KCNIP1: variants seen among roughly 807,000 people sequenced by gnomAD.
The protein encoded by KCNIP1 is A-type potassium channel modulatory protein KCNIP1.
KCNIP1 carries 18 observed loss-of-function variants against 33.0 expected under a neutral mutation model. That is an observed-to-expected ratio of 0.55 (90% CI 0.38 to 0.81). The LOEUF is 0.81. Ranked by LOEUF, KCNIP1 falls within the 30% of genes least tolerant of loss-of-function variation. The probability of loss-of-function intolerance (pLI) is 0.00; values close to 1 mark genes in which losing one functional copy is unlikely to be tolerated. For synonymous variants in KCNIP1, 93 were observed against 98.3 expected (o/e 0.95, Z 0.32); for missense variants, 238 against 271.6 (o/e 0.88, Z 0.87).
intron 1 of KCNIP1, among the ~76,000 whole-genome samples, chr5:170,669,268 A>G (rs1371322305): frequency 6.6e-6 from 1 of 152,236 alleles, no homozygotes; most frequent in African/African-American, 2.4e-5. Context: ...AATATGATTT[A>G]GGGCAAGTTT....
chr5:170,719,232 A>T (rs115728696), intron 2 of KCNIP1, among the ~76,000 whole-genome samples: 1 of 152,148 alleles, frequency 6.6e-6, no homozygotes, highest in Non-Finnish European at 1.5e-5. Context: ...CTGCTGACTT[A>T]TGCTAACCAG....
intron 1 of KCNIP1, among the ~76,000 whole-genome samples, chr5:170,468,543 G>T (rs1756656190): frequency 6.6e-6 from 1 of 152,078 alleles, no homozygotes; most frequent in African/African-American, 2.4e-5. Context: ...GCGCCTAAGA[G>T]CTGCTCTTGA....
At chr5:170,387,963 G>A (rs1350107817) in intron 1 of KCNIP1, among the ~76,000 whole-genome samples, 2 of 152,224 alleles carry the variant, frequency 1.3e-5, no homozygotes, top group Non-Finnish European at 2.9e-5. Flanking sequence ...TTTCTCTCCT[G>A]GGGGAACTGG....
chr5:170,720,254 CT>C, intron 2 of KCNIP1, 66 bp from the exon 3 acceptor site: 1 of 1,151,278 alleles, frequency 8.7e-7, no homozygotes, highest in Non-Finnish European at 1.3e-6. Flanking sequence ...GACACCAAGG[CT>C]GGGCCCAGTC....
In KCNIP1 at chr5:170,394,145, C is replaced by T. The variant is rs553739315; in HGVS notation, c.88+40181C>T. Among the ~76,000 whole-genome samples, 11 of 152,270 alleles carry T rather than the reference C, an allele frequency of 7.2e-5. No individual in the cohort carries two copies. The South Asian group carries it at 2.3e-3, about 32-fold the overall frequency. On this transcript the variant is annotated intron_variant, in intron 1 of 7. Transcript: ENST00000377360. The stretch of plus-strand genomic sequence containing the variant: ...ATGGCACATGTCTCCTCTGTCCTTG[C>T]CTCCTGGCCAGCTCTTCCTCTTCCA...
At position 170,583,981 on chromosome 5, in the gene KCNIP1, A is replaced by T. The variant is rs112691672; in HGVS notation, c.61+79348A>T. ...CTGAGGATATGGATGCTCAGAATGG[A>T]CATTGGCCTCACTGAGGTAATGCAG... On this transcript the variant is annotated intron_variant, in intron 1 of 7. Coordinates refer to ENST00000328939, the MANE Select transcript of KCNIP1 (RefSeq NM_014592.4). Among the ~76,000 whole-genome samples, 734 of 152,318 alleles carry T rather than the reference A, an allele frequency of 4.8e-3. 8 individuals are homozygous for T. Among genetic ancestry groups the T allele is most frequent in the African/African-American group, 0.017 (686 of 41,560 alleles).
rs765603824 is a variant in KCNIP1 at position 170,612,890 on chromosome 5, GC to G, written c.62-105865del. Among the ~76,000 whole-genome samples, 99 of 152,094 alleles carry G rather than the reference GC, an allele frequency of 6.5e-4. 2 individuals are homozygous for G. Among genetic ancestry groups the G allele is most frequent in the Non-Finnish European group, 2.5e-4 (17 of 68,004 alleles). On this transcript the variant is annotated intron_variant, in intron 1 of 7. Coordinates refer to ENST00000328939, the MANE Select transcript of KCNIP1 (RefSeq NM_014592.4). Reference sequence around the variant, plus strand: ...TCCCAAGACCCAGTCAATCTATAGGGCCCGCTGGTTCCTTCCCCCAGGTCTC... The same window carrying G: ...TCCCAAGACCCAGTCAATCTATAGGGCCGCTGGTTCCTTCCCCCAGGTCTC...
At chr5:170,484,192 C>T (rs1387034410) in intron 1 of KCNIP1, 1 of 152,404 alleles carries the variant, frequency 6.6e-6, no homozygotes, top group Non-Finnish European at 1.5e-5. Context: ...CCACTGAGGC[C>T]TCGTCTCCTC....
intron 1 of KCNIP1, among the ~76,000 whole-genome samples, chr5:170,695,977 C>T (rs937269918): frequency 6.6e-6 from 1 of 151,314 alleles, no homozygotes; most frequent in African/African-American, 2.4e-5. Context: ...CGAGATTGCA[C>T]CACTACACTC....
chr5:170,634,540 C>T (rs1655922085), intron 1 of KCNIP1, among the ~76,000 whole-genome samples: 1 of 152,146 alleles, frequency 6.6e-6, no homozygotes, highest in African/African-American at 2.4e-5. Context: ...GAGATCCTGG[C>T]AAGAGATAGA....
chr5:170,468,559 T>G (rs188582229), intron 1 of KCNIP1, among the ~76,000 whole-genome samples: 222 of 152,284 alleles, frequency 1.5e-3, no homozygotes, highest in African/African-American at 5.1e-3. Context: ...CTTGAGGGCA[T>G]CTAATTAATA....
intron 1 of KCNIP1, among the ~76,000 whole-genome samples, chr5:170,363,713 T>A (rs1466368483): frequency 6.6e-6 from 1 of 152,212 alleles, no homozygotes; most frequent in Non-Finnish European, 1.5e-5. Flanking sequence ...CAAACATATA[T>A]AACATTAAAT....
intron 1 of KCNIP1, among the ~76,000 whole-genome samples, chr5:170,472,561 T>C (rs946108983): frequency 2.0e-5 from 3 of 152,098 alleles, no homozygotes; most frequent in African/African-American, 7.2e-5. Context: ...CCATTTGCAA[T>C]CTTTTATCCC....
chr5:170,711,655 G>A (rs984559), intron 1 of KCNIP1, among the ~76,000 whole-genome samples: 34,236 of 152,010 alleles, frequency 0.23, 5,248 homozygotes, highest in East Asian at 0.81. Context: ...CTGTGAGGGC[G>A]GAATATACAC....
rs62392772 is a variant in KCNIP1, at chr5:170,697,995, G to A, written c.62-20763G>A. 5.6e-3 allele frequency among the ~76,000 whole-genome samples: 857 copies of A among 152,220 alleles called. 5 individuals are homozygous for A. Among genetic ancestry groups the A allele is most frequent in the Admixed American group, 0.015 (222 of 15,296 alleles). ...GTCCTGCCCTTTCTCCAAGCAGAAG[G>A]TCTTCCTAATTAAATATTAAAAATC... On this transcript the variant is annotated intron_variant, in intron 1 of 7. Coordinates refer to ENST00000328939, the MANE Select transcript of KCNIP1 (RefSeq NM_014592.4).
intron 1 of KCNIP1, among the ~76,000 whole-genome samples, chr5:170,570,684 G>T (rs112128035): frequency 6.6e-6 from 1 of 152,228 alleles, no homozygotes; most frequent in Non-Finnish European, 1.5e-5. Context: ...CGTGCCAGGC[G>T]GCGGGTCAGC....
intron 1 of KCNIP1, among the ~76,000 whole-genome samples, chr5:170,525,816 A>G (rs1441764284): frequency 6.6e-6 from 1 of 152,202 alleles, no homozygotes; most frequent in African/African-American, 2.4e-5. Context: ...TGTCTCTGAC[A>G]TCTCTATTAG....
chr5:170,505,299 G>T (rs962822811), intron 1 of KCNIP1, among the ~76,000 whole-genome samples: 8 of 152,176 alleles, frequency 5.3e-5, no homozygotes, highest in African/African-American at 1.9e-4. Flanking sequence ...CCTGTCCCCA[G>T]CCGAGGCATG....
chr5:170,683,065 G>A (rs1033602072), intron 1 of KCNIP1, among the ~76,000 whole-genome samples: 40 of 152,006 alleles, frequency 2.6e-4, no homozygotes, highest in African/African-American at 8.9e-4. Context: ...TTACAATAAA[G>A]GATATCAATC....
Sources: gnomAD v4.1 joint callset for allele counts (sites outside exome capture counted in the v4.1 genomes callset) on GRCh38, gnomAD v4.1.1 for gene constraint, MANE v1.5 for transcripts, NCBI Gene and HGNC (gene_info 2026-07-23, HGNC 2026-07-21) for gene names.